Variants in SEC63 observed in about 807,000 individuals in gnomAD.
SEC63 encodes translocation protein SEC63 homolog.
In SEC63, 56 loss-of-function variants were observed where a neutral mutation model predicts 116.2. The observed-to-expected ratio is 0.48, with a 90% CI of 0.39 to 0.60. The LOEUF (loss-of-function observed/expected upper bound fraction) is 0.60. Among genes scored for constraint, SEC63 ranks in the 20% least tolerant of loss-of-function variants. SEC63 has a pLI of 0.00. For synonymous variants in SEC63, 273 were observed against 294.6 expected (o/e 0.93, Z 0.75); for missense variants, 668 against 900.0 (o/e 0.74, Z 3.30).
intron 20 of SEC63, 151 bp downstream of exon 20, chr6:107,872,657 A>G (rs1380161662): frequency 3.4e-6 from 2 of 587,536 alleles, no homozygotes; most frequent in African/African-American, 3.8e-5. Context: ...TTTATTATTG[A>G]AAGAGTAGTC....
At chr6:107,903,836 A>G (rs1394706388) in intron 11 of SEC63, among the ~76,000 whole-genome samples, 1 of 152,212 alleles carries the variant, frequency 6.6e-6, no homozygotes, top group East Asian at 1.9e-4. Flanking sequence ...ACAATTGAAC[A>G]ATAAAATAAT....
intron 1 of SEC63, 135 bp downstream of exon 1, chr6:107,957,751 C>G (rs1031469998): frequency 1.0e-6 from 1 of 958,960 alleles, no homozygotes; most frequent in African/African-American, 1.7e-5. Context: ...GTGGCGGACG[C>G]TGGACACAGG....
At chr6:107,898,039 C>A (rs574175886) in intron 13 of SEC63, among the ~76,000 whole-genome samples, 1 of 152,112 alleles carries the variant, frequency 6.6e-6, no homozygotes, top group East Asian at 1.9e-4. Context: ...CCAAGGTAGG[C>A]GGATGGCATG....
chr6:107,909,346 C>G (rs952654906), intron 7 of SEC63, among the ~76,000 whole-genome samples: 1 of 147,976 alleles, frequency 6.8e-6, no homozygotes, highest in Non-Finnish European at 1.5e-5. Flanking sequence ...TACTGCACTC[C>G]ATCCTAGGTG....
intron 14 of SEC63, 127 bp downstream of exon 14, chr6:107,897,521 AG>A (rs1259120829): frequency 4.2e-6 from 3 of 721,740 alleles, no homozygotes; most frequent in Admixed American, 2.3e-5. Flanking sequence ...AAATTTCAAA[AG>A]AGTTAACAGA....
chr6:107,948,610 T>C (rs1014623301), intron 1 of SEC63, among the ~76,000 whole-genome samples: 9 of 152,172 alleles, frequency 5.9e-5, no homozygotes, highest in Non-Finnish European at 8.8e-5. Context: ...TGTACCTCCA[T>C]GTTGGGGCTC....
At chr6:107,957,156 A>G (rs757338463) in intron 1 of SEC63, 37 of 152,364 alleles carry the variant, frequency 2.4e-4, no homozygotes, top group Non-Finnish European at 5.0e-4. Flanking sequence ...TAGAACCAAA[A>G]GTAAATCGAC....
chr6:107,885,672 TAAAGG>T (rs1156970141), intron 16 of SEC63, among the ~76,000 whole-genome samples: 1 of 152,110 alleles, frequency 6.6e-6, no homozygotes, highest in Non-Finnish European at 1.5e-5. Context: ...GCAGGAAATG[TAAAGG>T]AATTAAAACA....
intron 13 of SEC63, among the ~76,000 whole-genome samples, chr6:107,900,076 A>G (rs1168471218): frequency 1.3e-5 from 2 of 152,198 alleles, no homozygotes; most frequent in African/African-American, 2.4e-5. Context: ...AGGAGTGCAC[A>G]GCATTCAATA....
chr6:107,957,903 G>A lies in SEC63; in HGVS notation c.107C>T (p.Pro36Leu). 2 of 1,612,700 alleles carry A rather than the reference G, an allele frequency of 1.2e-6. No homozygotes were observed. The highest frequency in any genetic ancestry group is 1.7e-6 in the Non-Finnish European group (2 of 1,179,278). ...IVIPATYYLW[P>L]RDQNAEQIRL... The stretch of plus-strand genomic sequence containing the variant: ...GGACTCACCGGCATTCTGATCTCGG[G>A]GCCAGAGGTAGTATGTCGCCGGGAT... Residue 36 changes from proline to leucine, a missense_variant, in exon 1 of 21, where the codon CCC becomes CTC. Physicochemically the swap from Pro to Leu is moderately conservative, Grantham distance 98. Around this residue, in one of 5 missense-constraint regions of SEC63, gnomAD observed 142 missense variants for 169.5 expected, o/e 0.84. Transcript: ENST00000369002.
chr6:107,934,661 G>A (rs1410310184), intron 1 of SEC63, among the ~76,000 whole-genome samples: 3 of 126,374 alleles, frequency 2.4e-5, no homozygotes, highest in African/African-American at 9.2e-5. Context: ...CCCCGTCCAG[G>A]AGGGAGGTGG....
rs113805522 is a variant in SEC63, at chr6:107,928,122, CT to C, written c.224+1292del. 6.9e-3 allele frequency among the ~76,000 whole-genome samples: 1,057 copies of C among 152,108 alleles called. 14 individuals carry two copies. The highest frequency in any genetic ancestry group is 0.025 in the African/African-American group (1,027 of 41,498). On this transcript the variant is annotated intron_variant, in intron 2 of 20. Coordinates refer to ENST00000369002, the MANE Select transcript of SEC63 (RefSeq NM_007214.5). ...TTACTCTTTTCAAGACTAACTTTGC[CT>C]TTAGTTTCACATCATTAAAGAACTC... is the stretch of plus-strand genomic sequence containing the variant.
At chr6:107,879,982 T>C (rs899475738) in intron 18 of SEC63, among the ~76,000 whole-genome samples, 6 of 152,190 alleles carry the variant, frequency 3.9e-5, no homozygotes, top group African/African-American at 7.2e-5. Flanking sequence ...GGGTACACAC[T>C]AGGCAGCTTT....
At chr6:107,945,979 C>G (rs914386194) in intron 1 of SEC63, among the ~76,000 whole-genome samples, 1 of 152,098 alleles carries the variant, frequency 6.6e-6, no homozygotes, top group Non-Finnish European at 1.5e-5. Flanking sequence ...CTCTGTCGCC[C>G]AGGCTGGAGT....
At chr6:107,901,572 TA>T in intron 12 of SEC63, 55 bp from the exon 13 acceptor site, 1 of 1,322,864 alleles carries the variant, frequency 7.6e-7, no homozygotes, top group South Asian at 1.3e-5. Flanking sequence ...AAGCTTTTCA[TA>T]AAAAGAAAAT....
At chr6:107,939,227 G>A (rs1025129875) in intron 1 of SEC63, among the ~76,000 whole-genome samples, 1 of 152,098 alleles carries the variant, frequency 6.6e-6, no homozygotes, top group Non-Finnish European at 1.5e-5. Context: ...AGGCTGTAGT[G>A]AGCCATGATC....
intron 1 of SEC63, among the ~76,000 whole-genome samples, chr6:107,948,321 C>T (rs1444630133): frequency 6.6e-6 from 1 of 152,220 alleles, no homozygotes; most frequent in African/African-American, 2.4e-5. Context: ...AACAAACAGT[C>T]TTCCACCTGG....
At chr6:107,902,633 TA>T (rs1787033198) in intron 12 of SEC63, among the ~76,000 whole-genome samples, 2 of 152,074 alleles carry the variant, frequency 1.3e-5, no homozygotes, top group Admixed American at 6.6e-5. Flanking sequence ...CCCAAAATAA[TA>T]AAACTACTTA....
chr6:107,916,980 G>A (rs539550845), intron 4 of SEC63, among the ~76,000 whole-genome samples: 1 of 152,268 alleles, frequency 6.6e-6, no homozygotes, highest in Admixed American at 6.5e-5. Context: ...CCCAAGACTG[G>A]CCATAAACGA....
Sources: allele counts gnomAD v4.1 joint callset (sites outside exome capture counted in the v4.1 genomes callset), GRCh38; gene constraint gnomAD v4.1.1; regional missense constraint gnomAD v4.1.1; transcripts MANE v1.5; gene names NCBI Gene and HGNC (gene_info 2026-07-23, HGNC 2026-07-21).